Variants in CCDC73 observed in about 807,000 individuals in gnomAD.
The protein encoded by CCDC73 is coiled-coil domain containing 73, also known as coiled-coil domain-containing protein 73.
In CCDC73, 95 loss-of-function variants were observed where a neutral mutation model predicts 116.5. The observed-to-expected ratio is 0.82, with a 90% CI of 0.69 to 0.97. The LOEUF is 0.97. Among genes scored for constraint, CCDC73 ranks in the 50% least tolerant of loss-of-function variants. The probability of loss-of-function intolerance (pLI) is 0.00; values close to 1 mark genes in which losing one functional copy is unlikely to be tolerated. For missense variants in CCDC73, 1,066 were observed against 1,206.8 expected (o/e 0.88, Z 1.73); for synonymous variants, 398 against 401.3 (o/e 0.99, Z 0.10).
At chr11:32,805,824 A>G in the CCDC73 span, among the ~76,000 whole-genome samples, 14 of 152,172 alleles carry the variant, frequency 9.2e-5, no homozygotes, top group African/African-American at 3.4e-4. Flanking sequence ...TGAGCCACCA[A>G]GTGCTTCTCT....
At chr11:32,613,166 G>A (rs554874209) in intron 16 of CCDC73, among the ~76,000 whole-genome samples, 44 of 152,240 alleles carry the variant, frequency 2.9e-4, no homozygotes, top group African/African-American at 9.1e-4. Context: ...AAACTAAAAT[G>A]TTCTAAGGGA....
At chr11:32,758,052 G>A (rs1850358665) in intron 2 of CCDC73, among the ~76,000 whole-genome samples, 1 of 152,118 alleles carries the variant, frequency 6.6e-6, no homozygotes, top group East Asian at 1.9e-4. Flanking sequence ...AATGTTGAGG[G>A]GGAAATCTAG....
At position 32,760,722 on chromosome 11, in the gene CCDC73, T is replaced by C. The variant is rs539474955; in HGVS notation, c.-15-464A>G. 7.9e-5 allele frequency among the ~76,000 whole-genome samples: 12 copies of C among 152,330 alleles called. No homozygotes were observed. In the South Asian group the frequency reaches 2.5e-3, roughly 32 times the overall value. On this transcript the variant is annotated intron_variant, in intron 1 of 17. Transcript: ENST00000335185. The stretch of plus-strand genomic sequence containing the variant: ...TTTATTAAAAACCAAGATAGTTAAA[T>C]ATTTTTCTCAACCCAGAAAATGTAT...
At chr11:32,746,797 C>T (rs1030110299) in intron 2 of CCDC73, among the ~76,000 whole-genome samples, 5 of 152,206 alleles carry the variant, frequency 3.3e-5, no homozygotes, top group African/African-American at 1.2e-4. Context: ...AAGCTCTTCT[C>T]TACACTGGTT....
the CCDC73 span, among the ~76,000 whole-genome samples, chr11:32,818,873 A>G: frequency 6.6e-6 from 1 of 152,196 alleles, no homozygotes; most frequent in Admixed American, 6.5e-5. Context: ...ATCCATAGAG[A>G]CAGAAAGTAG....
At chr11:32,736,332 C>T (rs1199180872) in intron 2 of CCDC73, among the ~76,000 whole-genome samples, 2 of 152,070 alleles carry the variant, frequency 1.3e-5, no homozygotes, top group African/African-American at 4.8e-5. Flanking sequence ...CAAACAACCC[C>T]ATCAAAAAGT....
chr11:32,624,565 C>G (rs2133231393), intron 14 of CCDC73, among the ~76,000 whole-genome samples: 1 of 152,230 alleles, frequency 6.6e-6, no homozygotes, highest in South Asian at 2.1e-4. Context: ...AAGATATCCA[C>G]TATTTAGTAA....
chr11:32,672,972 A>G (rs977748258), intron 9 of CCDC73, among the ~76,000 whole-genome samples: 1 of 152,196 alleles, frequency 6.6e-6, no homozygotes, highest in African/African-American at 2.4e-5. Context: ...TATACATATC[A>G]CAGTCAATAG....
At chr11:32,830,012 C>T in the CCDC73 span, 2 of 985,852 alleles carry the variant, frequency 2.0e-6, no homozygotes, top group Non-Finnish European at 2.4e-6. Context: ...CAGGCCCTTC[C>T]CAGGTTTGCG....
the CCDC73 span, chr11:32,830,574 C>T: frequency 3.9e-5 from 63 of 1,611,274 alleles, no homozygotes; most frequent in Non-Finnish European, 5.2e-5. Flanking sequence ...CCACAGTTAC[C>T]CTGGGGTTTC....
chr11:32,751,933 G>C (rs752813230), intron 2 of CCDC73, among the ~76,000 whole-genome samples: 2 of 152,172 alleles, frequency 1.3e-5, no homozygotes, highest in African/African-American at 4.8e-5. Flanking sequence ...GGCTTAGCAA[G>C]ACAGGTCTGC....
At chr11:32,732,451 C>T (rs1423690910) in intron 2 of CCDC73, among the ~76,000 whole-genome samples, 1 of 151,996 alleles carries the variant, frequency 6.6e-6, no homozygotes, top group Non-Finnish European at 1.5e-5. Context: ...AGAGCAACTC[C>T]AAGACACATA....
intron 17 of CCDC73, chr11:32,604,049 AG>A (rs1855312818): frequency 6.6e-6 from 1 of 152,270 alleles, no homozygotes; most frequent in South Asian, 2.1e-4. Flanking sequence ...CCTGGACAAC[AG>A]AGTGAGACCC....
intron 6 of CCDC73, among the ~76,000 whole-genome samples, chr11:32,693,346 G>C (rs1307301500): frequency 2.0e-5 from 3 of 152,158 alleles, no homozygotes; most frequent in Non-Finnish European, 4.4e-5. Flanking sequence ...TTTCAACTTG[G>C]GGGGTTGGGA....
At chr11:32,810,480 G>A in the CCDC73 span, among the ~76,000 whole-genome samples, 1 of 152,124 alleles carries the variant, frequency 6.6e-6, no homozygotes, top group African/African-American at 2.4e-5. Context: ...TTAAAACAGA[G>A]CAAAACTAGT....
intron 12 of CCDC73, 102 bp from the exon 13 acceptor site, chr11:32,642,184 C>A: frequency 8.2e-7 from 1 of 1,225,090 alleles, no homozygotes. Context: ...GCTGAAAGTG[C>A]CATACAGATC....
At chr11:32,661,435 T>C (rs544776383) in intron 9 of CCDC73, among the ~76,000 whole-genome samples, 2 of 151,394 alleles carry the variant, frequency 1.3e-5, no homozygotes, top group East Asian at 3.9e-4. Context: ...TATCTCCTAA[T>C]GCTATCCCTC....
intron 2 of CCDC73, among the ~76,000 whole-genome samples, chr11:32,750,401 C>G (rs537332013): frequency 1.3e-5 from 2 of 152,304 alleles, no homozygotes; most frequent in Admixed American, 6.5e-5. Flanking sequence ...GGTGGCAAAG[C>G]CAGGCAGTCT....
At chr11:32,825,199 C>G in the CCDC73 span, among the ~76,000 whole-genome samples, 8 of 151,644 alleles carry the variant, frequency 5.3e-5, no homozygotes, top group African/African-American at 1.9e-4. Flanking sequence ...ATAAACAGAT[C>G]CTGGTTGGTA....
Sources: gnomAD v4.1 joint callset for allele counts (sites outside exome capture counted in the v4.1 genomes callset) on GRCh38, gnomAD v4.1.1 for gene constraint, MANE v1.5 for transcripts, NCBI Gene and HGNC (gene_info 2026-07-23, HGNC 2026-07-21) for gene names.